SPAG16: variants seen among roughly 807,000 people sequenced by gnomAD.
SPAG16 encodes sperm-associated antigen 16 protein.
A neutral mutation model predicts 80.4 loss-of-function variants in SPAG16; 86 were observed. The ratio of observed to expected loss-of-function variants is 1.07; its 90% CI spans 0.90 to 1.28. The LOEUF (loss-of-function observed/expected upper bound fraction) is 1.28, where lower values mean the gene tolerates loss of function less well. SPAG16 is among the 50% of genes most tolerant of loss of function. SPAG16 has a pLI of 0.00. For missense variants in SPAG16, 870 were observed against 765.3 expected (o/e 1.14, Z -1.61); for synonymous variants, 294 against 265.9 (o/e 1.11, Z -1.03).
At chr2:214,112,372 C>T (rs1466964097) in intron 14 of SPAG16, among the ~76,000 whole-genome samples, 1 of 152,068 alleles carries the variant, frequency 6.6e-6, no homozygotes, top group East Asian at 1.9e-4. Flanking sequence ...TCCTTGTTAA[C>T]CTTCTGTCTC....
intron 15 of SPAG16, among the ~76,000 whole-genome samples, chr2:214,301,220 TAATATC>T (rs57320263): frequency 0.16 from 23,458 of 150,662 alleles, 2,599 homozygotes; most frequent in African/African-American, 0.31. Flanking sequence ...AATCATATGA[TAATATC>T]AATAGATGTA....
At chr2:213,429,301 G>T (rs2070144310) in intron 9 of SPAG16, among the ~76,000 whole-genome samples, 1 of 152,010 alleles carries the variant, frequency 6.6e-6, no homozygotes, top group Non-Finnish European at 1.5e-5. Flanking sequence ...ACACACCATT[G>T]CAGGGCCTGA....
At chr2:213,937,376 G>T (rs1049155731) in intron 12 of SPAG16, among the ~76,000 whole-genome samples, 1 of 151,846 alleles carries the variant, frequency 6.6e-6, no homozygotes, top group African/African-American at 2.4e-5. Context: ...GGGCACCCAA[G>T]GTATATATTA....
intron 15 of SPAG16, among the ~76,000 whole-genome samples, chr2:214,316,070 C>T (rs1361347085): frequency 6.6e-6 from 1 of 151,624 alleles, no homozygotes; most frequent in Non-Finnish European, 1.5e-5. Flanking sequence ...TGTATAACAA[C>T]TTCTTTGGTT....
At chr2:213,759,930 G>A (rs1056187690) in intron 10 of SPAG16, among the ~76,000 whole-genome samples, 13 of 152,106 alleles carry the variant, frequency 8.5e-5, no homozygotes, top group African/African-American at 2.9e-4. Context: ...AGATACTCAT[G>A]AGGCTGAGGG....
intron 12 of SPAG16, among the ~76,000 whole-genome samples, chr2:214,000,412 C>A (rs917567264): frequency 6.6e-6 from 1 of 152,130 alleles, no homozygotes; most frequent in African/African-American, 2.4e-5. Flanking sequence ...TCCAATGAAA[C>A]CTCTTTTTCT....
At chr2:214,381,675 C>T (rs1003605471) in intron 15 of SPAG16, among the ~76,000 whole-genome samples, 1 of 152,226 alleles carries the variant, frequency 6.6e-6, no homozygotes, top group Non-Finnish European at 1.5e-5. Context: ...ACATCACTAT[C>T]TGTGCCATGT....
intron 10 of SPAG16, among the ~76,000 whole-genome samples, chr2:213,794,870 CT>C (rs2070927812): frequency 6.6e-6 from 1 of 152,082 alleles, no homozygotes; most frequent in African/African-American, 2.4e-5. Context: ...AAATTTCATG[CT>C]CTGATTTTCC....
intron 11 of SPAG16, among the ~76,000 whole-genome samples, chr2:213,917,372 C>T (rs2078019381): frequency 6.6e-6 from 1 of 152,092 alleles, no homozygotes; most frequent in South Asian, 2.1e-4. Context: ...GGCAGTATGG[C>T]CATTTTAATA....
chr2:213,837,437 C>A (rs528774058), intron 10 of SPAG16, among the ~76,000 whole-genome samples: 47 of 152,296 alleles, frequency 3.1e-4, no homozygotes, highest in African/African-American at 1.1e-3. Context: ...TTGTGCTATG[C>A]AAGAATCACT....
intron 10 of SPAG16, among the ~76,000 whole-genome samples, chr2:213,759,284 A>G (rs777203134): frequency 6.6e-6 from 1 of 152,120 alleles, no homozygotes; most frequent in Non-Finnish European, 1.5e-5. Flanking sequence ...TATTGTAACA[A>G]TACTTTTTAA....
intron 9 of SPAG16, among the ~76,000 whole-genome samples, chr2:213,415,424 A>G (rs1247944035): frequency 6.6e-6 from 1 of 152,224 alleles, no homozygotes; most frequent in Non-Finnish European, 1.5e-5. Flanking sequence ...TTTTTTCAGC[A>G]CATGAAAAAA....
chr2:213,871,208 C>T (rs1356839943), intron 11 of SPAG16, among the ~76,000 whole-genome samples: 1 of 151,952 alleles, frequency 6.6e-6, no homozygotes, highest in African/African-American at 2.4e-5. Flanking sequence ...AAATTTCAGT[C>T]AAAACCCAAT....
chr2:213,741,923 A>G (rs2067571271), intron 10 of SPAG16, among the ~76,000 whole-genome samples: 1 of 151,954 alleles, frequency 6.6e-6, no homozygotes, highest in Non-Finnish European at 1.5e-5. Context: ...TTGGCTTCAT[A>G]TGTGCATGGT....
At chr2:213,906,652 G>T (rs1453407757) in intron 11 of SPAG16, among the ~76,000 whole-genome samples, 2 of 152,148 alleles carry the variant, frequency 1.3e-5, no homozygotes, top group South Asian at 2.1e-4. Context: ...GCTTGATATT[G>T]GTATAAAACC....
intron 10 of SPAG16, among the ~76,000 whole-genome samples, chr2:213,613,630 A>T (rs985878239): frequency 6.6e-6 from 1 of 152,254 alleles, no homozygotes; most frequent in East Asian, 1.9e-4. Flanking sequence ...GACACCTCCT[A>T]TCTACATTTT....
At chr2:214,110,194 G>A (rs1275256323) in intron 14 of SPAG16, among the ~76,000 whole-genome samples, 1 of 151,908 alleles carries the variant, frequency 6.6e-6, no homozygotes, top group Non-Finnish European at 1.5e-5. Context: ...CAACATGCAG[G>A]TTTGTTACAT....
At chr2:214,038,065 A>T (rs1463605842) in intron 13 of SPAG16, among the ~76,000 whole-genome samples, 1 of 152,128 alleles carries the variant, frequency 6.6e-6, no homozygotes, top group Non-Finnish European at 1.5e-5. Context: ...GACGTGCTAA[A>T]TGTCTAATGT....
At chr2:213,502,756 G>T (rs1048453179) in intron 10 of SPAG16, among the ~76,000 whole-genome samples, 1 of 152,176 alleles carries the variant, frequency 6.6e-6, no homozygotes, top group Admixed American at 6.5e-5. Flanking sequence ...ATTTTACAGA[G>T]GAGTATATAG....
Sources: gnomAD v4.1 joint callset for allele counts (sites outside exome capture counted in the v4.1 genomes callset) on GRCh38, gnomAD v4.1.1 for gene constraint, MANE v1.5 for transcripts, NCBI Gene and HGNC (gene_info 2026-07-23, HGNC 2026-07-21) for gene names.